Variants in THEMIS observed in about 807,000 individuals in gnomAD.
THEMIS encodes thymocyte selection associated.
In THEMIS, 37 loss-of-function variants were observed where a neutral mutation model predicts 52.6. The ratio of observed to expected loss-of-function variants is 0.70; its 90% CI spans 0.54 to 0.93. THEMIS has a LOEUF of 0.93. Ranked by LOEUF, THEMIS falls within the 40% of genes least tolerant of loss-of-function variation. The pLI, the probability that THEMIS is intolerant of heterozygous loss-of-function variation, is 0.00. For missense variants in THEMIS, 808 were observed against 763.1 expected, an observed-to-expected ratio of 1.06 and a Z score of -0.69; for synonymous variants, 292 against 272.7, an observed-to-expected ratio of 1.07 and a Z score of -0.70.
intron 1 of THEMIS, among the ~76,000 whole-genome samples, chr6:127,871,044 G>T (rs1314608213): frequency 6.6e-6 from 1 of 151,972 alleles, no homozygotes; most frequent in African/African-American, 2.4e-5. Context: ...ATACACATTG[G>T]TTTCAAGTAC....
chr6:127,849,086 T>C (rs1437709711), intron 2 of THEMIS, among the ~76,000 whole-genome samples: 1 of 152,142 alleles, frequency 6.6e-6, no homozygotes, highest in Admixed American at 6.6e-5. Flanking sequence ...TTACTCCATC[T>C]TGAATTAATT....
intron 2 of THEMIS, among the ~76,000 whole-genome samples, chr6:127,843,184 A>T (rs1195696277): frequency 6.6e-6 from 1 of 152,034 alleles, no homozygotes; most frequent in African/African-American, 2.4e-5. Context: ...GAGTGATATT[A>T]GTTCAAATCT....
intron 4 of THEMIS, among the ~76,000 whole-genome samples, chr6:127,736,851 CAAAAA>C (rs3057968): frequency 2.9e-5 from 3 of 104,878 alleles, no homozygotes; most frequent in African/African-American, 1.1e-4. Flanking sequence ...ACCAAATGAT[CAAAAA>C]AAAAAAAAAA....
chr6:127,907,495 T>C (rs1781305103), intron 1 of THEMIS, among the ~76,000 whole-genome samples: 1 of 151,612 alleles, frequency 6.6e-6, no homozygotes, highest in Admixed American at 6.6e-5. Flanking sequence ...AGTCCCAGGA[T>C]AAACTGTGAT....
chr6:127,720,535 G>A (rs1240649797), intron 4 of THEMIS, among the ~76,000 whole-genome samples: 1 of 151,918 alleles, frequency 6.6e-6, no homozygotes, highest in Non-Finnish European at 1.5e-5. Context: ...CCCAAGTCCA[G>A]ACTAGAAGTT....
intron 2 of THEMIS, among the ~76,000 whole-genome samples, chr6:127,842,667 A>G (rs1433226325): frequency 6.6e-6 from 1 of 151,896 alleles, no homozygotes; most frequent in Admixed American, 6.6e-5. Flanking sequence ...CCCTCCCCAG[A>G]GACATTCTAG....
chr6:127,800,157 G>A (rs1307659564), intron 4 of THEMIS, among the ~76,000 whole-genome samples: 3 of 152,164 alleles, frequency 2.0e-5, no homozygotes, highest in African/African-American at 7.2e-5. Context: ...AATTTCACTA[G>A]TTTTGTATGA....
At chr6:127,812,862 A>T (rs746336024) in intron 4 of THEMIS, 21 bp downstream of exon 4, 4 of 1,544,802 alleles carry the variant, frequency 2.6e-6, no homozygotes, top group Non-Finnish European at 8.7e-7. Flanking sequence ...CAGAGAAAAC[A>T]TTGCAAAACC....
intron 1 of THEMIS, among the ~76,000 whole-genome samples, chr6:127,899,537 A>G (rs1156913962): frequency 3.3e-5 from 5 of 151,982 alleles, no homozygotes; most frequent in Non-Finnish European, 5.9e-5. Flanking sequence ...GTACCTGGAA[A>G]TCAGGTGAAC....
chr6:127,911,450 C>G (rs1298911838), intron 1 of THEMIS, among the ~76,000 whole-genome samples: 1 of 150,624 alleles, frequency 6.6e-6, no homozygotes, highest in Non-Finnish European at 1.5e-5. Flanking sequence ...TTATACCTAT[C>G]CATGGATATA....
At chr6:127,784,955 CTATCTATCTAT>C (rs1776875873) in intron 4 of THEMIS, among the ~76,000 whole-genome samples, 1 of 7,818 alleles carries the variant, frequency 1.3e-4, no homozygotes, top group Non-Finnish European at 4.5e-4. Context: ...GTCACACTAT[CTATCTATCTAT>C]CTATCTATCT....
intron 2 of THEMIS, among the ~76,000 whole-genome samples, chr6:127,848,263 T>C (rs1275317798): frequency 6.6e-6 from 1 of 151,992 alleles, no homozygotes; most frequent in African/African-American, 2.4e-5. Flanking sequence ...CTCATCATTT[T>C]TTATAGCTGC....
chr6:127,716,685 C>A (rs1488564738), intron 5 of THEMIS, among the ~76,000 whole-genome samples: 1 of 151,946 alleles, frequency 6.6e-6, no homozygotes, highest in Non-Finnish European at 1.5e-5. Flanking sequence ...ACATGTAAAT[C>A]AACCCAGGGA....
intron 1 of THEMIS, among the ~76,000 whole-genome samples, chr6:127,888,898 T>C (rs989173796): frequency 6.6e-6 from 1 of 152,110 alleles, no homozygotes; most frequent in Non-Finnish European, 1.5e-5. Flanking sequence ...TGACTCTCTT[T>C]AGAATATGCC....
At chr6:127,841,275 T>C (rs1012830292) in intron 2 of THEMIS, among the ~76,000 whole-genome samples, 3 of 151,976 alleles carry the variant, frequency 2.0e-5, no homozygotes, top group Non-Finnish European at 4.4e-5. Context: ...AATGTAACTG[T>C]GTATAATTAT....
intron 4 of THEMIS, among the ~76,000 whole-genome samples, chr6:127,753,210 C>T (rs1775707662): frequency 1.3e-5 from 2 of 152,110 alleles, no homozygotes; most frequent in South Asian, 4.1e-4. Flanking sequence ...TAACATCATA[C>T]TCAAGAGTAA....
intron 1 of THEMIS, among the ~76,000 whole-genome samples, chr6:127,861,671 T>C (rs1309178541): frequency 6.6e-6 from 1 of 150,522 alleles, no homozygotes; most frequent in African/African-American, 2.5e-5. Flanking sequence ...TAATCCCAGC[T>C]ACCTGGGGAG....
intron 4 of THEMIS, among the ~76,000 whole-genome samples, chr6:127,751,154 A>G (rs188336718): frequency 2.0e-5 from 3 of 151,938 alleles, no homozygotes; most frequent in Admixed American, 2.0e-4. Context: ...AACTATAGCT[A>G]TAATAAATTG....
chr6:127,829,698 A>T lies in THEMIS; in HGVS notation c.487T>A (p.Phe163Ile). 1 of 1,614,120 alleles carries T rather than the reference A, an allele frequency of 6.2e-7. No individual in the cohort carries two copies. The highest frequency in any genetic ancestry group is 8.5e-7 in the Non-Finnish European group (1 of 1,180,012). ...AVARNHQTHS[F>I]NLPLSQEGEF... ...CCTTCTTGTGACAAAGGCAAATTAA[A>T]TGAGTGAGTTTGATGATTCCTTGCT... is the stretch of plus-strand genomic sequence containing the variant. Residue 163 changes from phenylalanine (F) to isoleucine (I), a missense_variant, in exon 3 of 6, where the codon TTT becomes ATT. Phe to Ile is a conservative substitution (Grantham distance 21). Transcript: ENST00000368248.
Sources: allele counts gnomAD v4.1 joint callset (sites outside exome capture counted in the v4.1 genomes callset), GRCh38; gene constraint gnomAD v4.1.1; transcripts MANE v1.5; gene names NCBI Gene and HGNC (gene_info 2026-07-23, HGNC 2026-07-21).